Variants in MAGI1 observed in about 807,000 individuals in gnomAD.
MAGI1 encodes membrane associated guanylate kinase, WW and PDZ domain containing 1.
Under a neutral mutation model 139.9 loss-of-function variants are expected in MAGI1, and 58 were observed. The ratio of observed to expected loss-of-function variants is 0.41; its 90% CI spans 0.34 to 0.52. MAGI1 has a LOEUF of 0.52. Ranked by LOEUF, MAGI1 falls within the 20% of genes least tolerant of loss-of-function variation. The probability of loss-of-function intolerance (pLI) is 0.12; values close to 1 mark genes in which losing one functional copy is unlikely to be tolerated. For missense variants in MAGI1, 1,874 were observed against 1,901.6 expected, an observed-to-expected ratio of 0.99 and a Z score of 0.27; for synonymous variants, 812 against 737.9, an observed-to-expected ratio of 1.10 and a Z score of -1.63.
chr3:65,425,091 C>A (rs1219435146), intron 12 of MAGI1, among the ~76,000 whole-genome samples: 3 of 67,446 alleles, frequency 4.4e-5, no homozygotes, highest in Non-Finnish European at 1.2e-4. Flanking sequence ...AAAAAAAAAA[C>A]CTACCAGTAG....
chr3:65,511,027 A>T, intron 2 of MAGI1, among the ~76,000 whole-genome samples: 1 of 146,786 alleles, frequency 6.8e-6, no homozygotes. Flanking sequence ...AGAATTTTCA[A>T]CCCAGAATTT....
chr3:65,579,526 A>T (rs1487364479), intron 2 of MAGI1, among the ~76,000 whole-genome samples: 1 of 152,176 alleles, frequency 6.6e-6, no homozygotes, highest in East Asian at 1.9e-4. Context: ...ACAGGGATAA[A>T]CACGAATGGA....
chr3:65,723,883 G>A (rs1004097419), intron 1 of MAGI1, among the ~76,000 whole-genome samples: 8 of 152,186 alleles, frequency 5.3e-5, no homozygotes, highest in African/African-American at 1.7e-4. Context: ...GATTCAGCAT[G>A]AGTGCAAGAG....
intron 1 of MAGI1, among the ~76,000 whole-genome samples, chr3:65,840,823 T>C (rs1001867715): frequency 1.3e-5 from 2 of 152,216 alleles, no homozygotes; most frequent in Non-Finnish European, 2.9e-5. Context: ...TAGAATTATT[T>C]CCTCTTCTTC....
intron 12 of MAGI1, among the ~76,000 whole-genome samples, chr3:65,416,505 G>C (rs1259356157): frequency 1.3e-5 from 2 of 152,210 alleles, no homozygotes; most frequent in Admixed American, 6.5e-5. Flanking sequence ...TGGGGAAGCT[G>C]TGATTAACCA....
intron 1 of MAGI1, among the ~76,000 whole-genome samples, chr3:65,943,853 C>T (rs957977768): frequency 6.6e-6 from 1 of 152,150 alleles, no homozygotes; most frequent in South Asian, 2.1e-4. Context: ...TTACTTTGTA[C>T]ACCTTAACAA....
At chr3:65,925,453 C>T (rs1485668272) in intron 1 of MAGI1, among the ~76,000 whole-genome samples, 1 of 152,228 alleles carries the variant, frequency 6.6e-6, no homozygotes, top group East Asian at 1.9e-4. Flanking sequence ...GCAAACAACC[C>T]AAGGCCAGTG....
chr3:65,414,653 G>A (rs548210690), intron 12 of MAGI1, among the ~76,000 whole-genome samples: 11 of 152,202 alleles, frequency 7.2e-5, no homozygotes, highest in Admixed American at 5.2e-4. Context: ...ATAGAACTGA[G>A]CAATTGATCC....
At chr3:65,872,921 T>C (rs2059987952) in intron 1 of MAGI1, 1 of 152,062 alleles carries the variant, frequency 6.6e-6, no homozygotes, top group Non-Finnish European at 1.5e-5. Context: ...GAGCACTGAG[T>C]GGGAAATAGC....
chr3:65,849,501 A>G (rs2059133366), intron 1 of MAGI1, among the ~76,000 whole-genome samples: 1 of 103,310 alleles, frequency 9.7e-6, no homozygotes, highest in Non-Finnish European at 2.5e-5. Context: ...AAATATACAT[A>G]TATATATATC....
chr3:66,026,476 A>G (rs1452952029), intron 1 of MAGI1, among the ~76,000 whole-genome samples: 1 of 151,824 alleles, frequency 6.6e-6, no homozygotes, highest in Non-Finnish European at 1.5e-5. Flanking sequence ...AATTTTGCCT[A>G]CTCATTACCC....
intron 2 of MAGI1, among the ~76,000 whole-genome samples, chr3:65,507,386 A>C (rs1244009927): frequency 6.6e-6 from 1 of 152,260 alleles, no homozygotes; most frequent in Admixed American, 6.5e-5. Context: ...GCAAAGGCTG[A>C]GAAACATGAG....
intron 1 of MAGI1, among the ~76,000 whole-genome samples, chr3:65,737,003 C>CTT (rs67969383): frequency 1.4e-5 from 2 of 145,484 alleles, no homozygotes. Flanking sequence ...TGCATCAAGA[C>CTT]TTTTTTTTTT....
chr3:65,791,189 A>G (rs1411785546), intron 1 of MAGI1, among the ~76,000 whole-genome samples: 2 of 152,174 alleles, frequency 1.3e-5, no homozygotes, highest in Non-Finnish European at 2.9e-5. Flanking sequence ...ATTACTGCCA[A>G]CCTCTCTTCG....
intron 1 of MAGI1, among the ~76,000 whole-genome samples, chr3:65,757,532 G>C (rs1379612737): frequency 6.6e-6 from 1 of 152,236 alleles, no homozygotes; most frequent in African/African-American, 2.4e-5. Flanking sequence ...CAGCTACTTG[G>C]GAGGCTAAGG....
intron 2 of MAGI1, among the ~76,000 whole-genome samples, chr3:65,517,422 T>C (rs1480872158): frequency 1.3e-5 from 2 of 152,246 alleles, no homozygotes; most frequent in African/African-American, 4.8e-5. Context: ...ACATCTCTGC[T>C]GGTTATTAAA....
At chr3:65,615,129 C>G (rs1251308071) in intron 2 of MAGI1, among the ~76,000 whole-genome samples, 3 of 151,896 alleles carry the variant, frequency 2.0e-5, no homozygotes, top group Non-Finnish European at 4.4e-5. Context: ...CTAGCATAAA[C>G]AAAGCCTTGT....
At chr3:65,799,177 T>G (rs539411337) in intron 1 of MAGI1, among the ~76,000 whole-genome samples, 2 of 152,110 alleles carry the variant, frequency 1.3e-5, no homozygotes, top group Non-Finnish European at 2.9e-5. Flanking sequence ...GAAACTGTAA[T>G]GAAGGAAAAA....
chr3:65,932,939 A>G (rs2062869948), intron 1 of MAGI1, among the ~76,000 whole-genome samples: 1 of 152,234 alleles, frequency 6.6e-6, no homozygotes, highest in Admixed American at 6.5e-5. Flanking sequence ...GACTACATTT[A>G]CTTAACAGTC....
Sources: allele counts gnomAD v4.1 joint callset (sites outside exome capture counted in the v4.1 genomes callset), GRCh38; gene constraint gnomAD v4.1.1; transcripts MANE v1.5; gene names NCBI Gene and HGNC (gene_info 2026-07-23, HGNC 2026-07-21).